SCN1A: variants seen among roughly 807,000 people sequenced by gnomAD.
The protein encoded by SCN1A is sodium channel protein type 1 subunit alpha.
SCN1A carries 13 observed loss-of-function variants against 193.7 expected under a neutral mutation model. That is an observed-to-expected ratio of 0.07 (90% CI 0.04 to 0.11). The LOEUF (loss-of-function observed/expected upper bound fraction) is 0.11, where lower values mean the gene tolerates loss of function less well. Ranked by LOEUF, SCN1A falls within the 10% of genes least tolerant of loss-of-function variation. The probability of loss-of-function intolerance (pLI) is 1.00; values close to 1 mark genes in which losing one functional copy is unlikely to be tolerated. For synonymous variants in SCN1A, 781 were observed against 843.6 expected, an observed-to-expected ratio of 0.93 and a Z score of 1.29; for missense variants, 1,432 against 2,451.1, an observed-to-expected ratio of 0.58 and a Z score of 8.78.
chr2:166,027,265 A>G (rs1384255454), intron 19 of SCN1A: 3 of 152,112 alleles, frequency 2.0e-5, no homozygotes, highest in Non-Finnish European at 2.9e-5. Context: ...GATTTATGCA[A>G]ATTTCTTGTT....
At chr2:166,003,111 G>A (rs1429412637) in intron 23 of SCN1A, among the ~76,000 whole-genome samples, 1 of 151,302 alleles carries the variant, frequency 6.6e-6, no homozygotes, top group African/African-American at 2.4e-5. Flanking sequence ...CTATACAGAA[G>A]TTTAACTCAT....
intron 2 of SCN1A, among the ~76,000 whole-genome samples, chr2:166,119,832 A>C (rs1690335011): frequency 1.3e-5 from 2 of 152,116 alleles, no homozygotes; most frequent in African/African-American, 2.4e-5. Context: ...ATTTTGATTA[A>C]AGATACAATG....
Position 166,059,672 on chromosome 2 carries a change from T to C in SCN1A, c.265-984A>G, listed in dbSNP as rs557271026. ...TCTTGATTTTAAATTCACCCATTCT[T>C]CGAAAGCTTTCTTTTCTAAGCCTTA... is the stretch of plus-strand genomic sequence containing the variant. On this transcript the variant is annotated intron_variant, in intron 4 of 28. Coordinates refer to ENST00000674923, the MANE Select transcript of SCN1A (RefSeq NM_001165963.4). 16 of 152,342 alleles carry C rather than the reference T, an allele frequency of 1.1e-4. No homozygotes were observed. The South Asian group carries it at 3.3e-3, about 32-fold the overall frequency. 9.4% of individuals were successfully genotyped at this position (152,342 alleles called of 1,614,324 possible). A position where few individuals can be genotyped will look rare whatever the true frequency, so the allele number is the denominator to read the frequency against.
intron 7 of SCN1A, 167 bp from the exon 8 acceptor site, chr2:166,053,110 T>C (rs1447674910): frequency 1.6e-6 from 2 of 1,281,526 alleles, no homozygotes; most frequent in African/African-American, 1.5e-5. Flanking sequence ...ATTGCCTAGG[T>C]TTACAAATTC....
upstream of SCN1A, among the ~76,000 whole-genome samples, chr2:166,130,565 A>T (rs550788444): frequency 6.6e-6 from 1 of 152,242 alleles, no homozygotes; most frequent in Admixed American, 6.5e-5. Flanking sequence ...CGTCTTTTCT[A>T]TTTTCTCAGC....
chr2:166,104,997 T>G (rs1688533900), intron 2 of SCN1A, among the ~76,000 whole-genome samples: 1 of 152,222 alleles, frequency 6.6e-6, no homozygotes, highest in South Asian at 2.1e-4. Flanking sequence ...GCTTCTGATA[T>G]GTTTCAAATA....
chr2:166,049,307 GA>G (rs911981565), intron 9 of SCN1A, among the ~76,000 whole-genome samples: 1 of 151,718 alleles, frequency 6.6e-6, no homozygotes, highest in Non-Finnish European at 1.5e-5. Context: ...CCATTCTCAC[GA>G]AAAAAATTCA....
upstream of SCN1A, among the ~76,000 whole-genome samples, chr2:166,131,144 A>G (rs1691643056): frequency 6.6e-6 from 1 of 152,106 alleles, no homozygotes; most frequent in Non-Finnish European, 1.5e-5. Context: ...TCAAAAAATG[A>G]AAAACTAATC....
At chr2:166,034,807 A>G (rs976574876) in intron 19 of SCN1A, among the ~76,000 whole-genome samples, 4 of 152,162 alleles carry the variant, frequency 2.6e-5, no homozygotes, top group African/African-American at 9.7e-5. Context: ...TTATAAGAAG[A>G]AGAATAGACA....
chr2:166,113,353 A>C (rs1305006862), intron 2 of SCN1A, among the ~76,000 whole-genome samples: 1 of 152,160 alleles, frequency 6.6e-6, no homozygotes, highest in Non-Finnish European at 1.5e-5. Context: ...TATTAAATAT[A>C]CTAGGTTCTC....
rs116829087 is a variant in SCN1A, at chr2:166,018,757, G to A, written c.3430-3030C>T. ...GGAAAATTGAACAATATAAGAGTTG[G>A]CATGCAATTGGACATACACGAACTC... On this transcript the variant is annotated intron_variant, in intron 19 of 28. Transcript: ENST00000674923. Among the ~76,000 whole-genome samples the A allele has an allele frequency of 5.1e-3, 771 of 152,080 alleles. 8 individuals are homozygous for A. The highest frequency in any genetic ancestry group is 0.017 in the African/African-American group (698 of 41,546).
At chr2:166,120,596 C>CTTTTTTTT (rs57044851) in intron 2 of SCN1A, among the ~76,000 whole-genome samples, 4 of 72,482 alleles carry the variant, frequency 5.5e-5, no homozygotes, top group Non-Finnish European at 7.3e-5. Context: ...TTTCTTTTCT[C>CTTTTTTTT]TTTTTTTTTT....
At chr2:166,072,782 C>CTCTT (rs982169485) in intron 4 of SCN1A, among the ~76,000 whole-genome samples, 13 of 126,584 alleles carry the variant, frequency 1.0e-4, no homozygotes, top group African/African-American at 3.7e-4. Flanking sequence ...AATTAGCTGC[C>CTCTT]TCTTTCTTTC....
chr2:166,007,766 C>T (rs78816459), intron 23 of SCN1A, among the ~76,000 whole-genome samples: 568 of 151,474 alleles, frequency 3.7e-3, no homozygotes, highest in African/African-American at 0.013. Flanking sequence ...GCCTGAGTTA[C>T]GCTTTGACGC....
intron 23 of SCN1A, among the ~76,000 whole-genome samples, chr2:166,006,118 A>G (rs983415005): frequency 6.6e-6 from 1 of 151,374 alleles, no homozygotes; most frequent in African/African-American, 2.4e-5. Context: ...CTTCAAATCA[A>G]CACTATTCAT....
chr2:165,998,098 G>A lies in SCN1A; in HGVS notation c.4416C>T (p.Phe1472=). The A allele has an allele frequency of 6.2e-7, 1 of 1,605,502 alleles. No individual in the cohort carries two copies. Among genetic ancestry groups the A allele is most frequent in the Non-Finnish European group, 8.5e-7 (1 of 1,173,904 alleles). Residue 1472 remains phenylalanine (F), a synonymous_variant, in exon 26 of 29, where the codon TTC becomes TTT. Transcript: ENST00000674923. The part of the protein sequence containing the change: ...YFVIFIIFGS[F]FTLNLFIGVI... ...CACCAATAAACAGGTTCAAGGTGAA[G>A]AAGGACCCAAAGATGATGAAAATAA...
rs1379197655 is a variant in SCN1A at position 165,989,892 on chromosome 2, A to T, written c.*1353T>A. 1 of 152,630 alleles carries T rather than the reference A, an allele frequency of 6.6e-6. No individual in the cohort carries two copies. Among genetic ancestry groups the T allele is most frequent in the Non-Finnish European group, 1.5e-5 (1 of 68,026 alleles). 9.5% of individuals were successfully genotyped at this position (152,630 alleles called of 1,614,324 possible). On this transcript the variant is annotated 3_prime_UTR_variant, in exon 29 of 29. Transcript: ENST00000674923. ...AGTGTGTTTTTTTAAACATGTCTGT[A>T]CAGTCTGGCTATATACCATATGTTA...
intron 4 of SCN1A, chr2:166,073,152 A>T (rs1247091942): frequency 1.6e-6 from 1 of 607,490 alleles, no homozygotes; most frequent in Admixed American, 3.2e-5. Context: ...TTTATTTGTC[A>T]TGGTGCATTT....
chr2:166,073,391 C>G lies in SCN1A; in HGVS notation c.231G>C (p.Leu77=). 6.2e-7 allele frequency: 1 copy of G among 1,614,126 alleles called. No individual in the cohort carries two copies. ...DIPPEMVSEP[L]EDLDPYYINK... Reference sequence around the variant, plus strand: ...TGATATAGTAGGGGTCCAGGTCCTCCAGGGGCTCTGACACCATCTCTGGAG... The same window carrying G: ...TGATATAGTAGGGGTCCAGGTCCTCGAGGGGCTCTGACACCATCTCTGGAG... The change falls in exon 4 of 29, where the codon CTG becomes CTC. Residue 77 remains leucine (L), a synonymous_variant. Coordinates refer to ENST00000674923, the MANE Select transcript of SCN1A (RefSeq NM_001165963.4).
Sources: gnomAD v4.1 joint callset for allele counts (sites outside exome capture counted in the v4.1 genomes callset) on GRCh38, gnomAD v4.1.1 for gene constraint, MANE v1.5 for transcripts, NCBI Gene and HGNC (gene_info 2026-07-23, HGNC 2026-07-21) for gene names.